PDE10A: variants seen among roughly 807,000 people sequenced by gnomAD.
PDE10A encodes the protein cAMP and cAMP-inhibited cGMP 3',5'-cyclic phosphodiesterase 10A.
Under a neutral mutation model 97.7 loss-of-function variants are expected in PDE10A, and 39 were observed. That is an observed-to-expected ratio of 0.40 (90% CI 0.31 to 0.52). PDE10A has a LOEUF of 0.52. PDE10A is among the 20% of genes least tolerant of loss of function. The pLI is 0.56. For missense variants in PDE10A, 731 were observed against 1,047.8 expected (o/e 0.70, Z 4.17); for synonymous variants, 371 against 376.8 (o/e 0.98, Z 0.18).
chr6:165,902,360 T>A (rs540607842), intron 1 of PDE10A, among the ~76,000 whole-genome samples: 1 of 152,320 alleles, frequency 6.6e-6, no homozygotes, highest in Non-Finnish European at 1.5e-5. Flanking sequence ...GAGCTGTGAG[T>A]GTTTTACTTT....
chr6:165,909,828 G>A (rs79658660), intron 1 of PDE10A, among the ~76,000 whole-genome samples: 7,218 of 151,848 alleles, frequency 0.048, 577 homozygotes, highest in African/African-American at 0.16. Context: ...CCCCTCACTC[G>A]CTTCTCTCCT....
intron 1 of PDE10A, among the ~76,000 whole-genome samples, chr6:165,803,453 T>C (rs1175714426): frequency 2.6e-5 from 4 of 152,164 alleles, no homozygotes; most frequent in Non-Finnish European, 5.9e-5. Flanking sequence ...CACAACTAAA[T>C]ACAGGAGGGC....
chr6:165,561,091 C>T (rs1271467758), intron 1 of PDE10A, among the ~76,000 whole-genome samples: 4 of 151,886 alleles, frequency 2.6e-5, no homozygotes, highest in East Asian at 1.9e-4. Context: ...TGGTGGCGGG[C>T]ACCTGTAGTC....
At chr6:165,581,042 T>A (rs1785589649) in intron 1 of PDE10A, among the ~76,000 whole-genome samples, 1 of 152,212 alleles carries the variant, frequency 6.6e-6, no homozygotes, top group South Asian at 2.1e-4. Context: ...AAATTGGTGA[T>A]AAAAATAAAT....
intron 1 of PDE10A, among the ~76,000 whole-genome samples, chr6:165,593,611 C>T (rs1489347764): frequency 1.3e-5 from 2 of 152,098 alleles, no homozygotes; most frequent in East Asian, 1.9e-4. Flanking sequence ...AAAATCTATA[C>T]CTAATACTGA....
intron 2 of PDE10A, among the ~76,000 whole-genome samples, chr6:165,484,217 G>A (rs9457094): frequency 0.061 from 9,238 of 152,290 alleles, 486 homozygotes; most frequent in East Asian, 0.25. Context: ...TCTTGCCCAA[G>A]AAAAATTTAA....
intron 3 of PDE10A, among the ~76,000 whole-genome samples, chr6:165,460,654 A>G (rs1240394244): frequency 8.5e-5 from 13 of 152,200 alleles, no homozygotes; most frequent in Admixed American, 6.5e-4. Context: ...CCCCTGAAAT[A>G]TATAAAAGTA....
chr6:165,736,879 G>A (rs1792587912), intron 1 of PDE10A, among the ~76,000 whole-genome samples: 1 of 151,824 alleles, frequency 6.6e-6, no homozygotes, highest in South Asian at 2.1e-4. Context: ...GTTAGCTTTT[G>A]AAAAGTTAAG....
chr6:165,678,193 G>GTGTCTC (rs1790867983), intron 1 of PDE10A, among the ~76,000 whole-genome samples: 1 of 112,248 alleles, frequency 8.9e-6, no homozygotes, highest in Non-Finnish European at 1.9e-5. Context: ...GTGTGTCTGT[G>GTGTCTC]TATGTATATG....
intron 2 of PDE10A, among the ~76,000 whole-genome samples, chr6:165,503,781 T>C (rs1453007878): frequency 1.3e-5 from 2 of 152,054 alleles, no homozygotes; most frequent in Non-Finnish European, 2.9e-5. Context: ...TAAGTATCTA[T>C]AAGACCAAGT....
chr6:165,737,643 C>A (rs561999853), intron 1 of PDE10A, among the ~76,000 whole-genome samples: 7 of 152,336 alleles, frequency 4.6e-5, no homozygotes, highest in Admixed American at 3.3e-4. Context: ...AAGCTCTCAA[C>A]AAGGTGGTAT....
intron 1 of PDE10A, among the ~76,000 whole-genome samples, chr6:165,824,526 A>G (rs1167947061): frequency 6.6e-6 from 1 of 152,182 alleles, no homozygotes; most frequent in Non-Finnish European, 1.5e-5. Context: ...ATGCTTATTC[A>G]TCTAATCTAT....
chr6:165,633,013 G>T (rs1286972864), intron 1 of PDE10A, among the ~76,000 whole-genome samples: 1 of 151,038 alleles, frequency 6.6e-6, no homozygotes, highest in Non-Finnish European at 1.5e-5. Flanking sequence ...TATGCTGGAA[G>T]AGATTCCTTC....
rs1342810492 is a variant in PDE10A at position 165,332,326 on chromosome 6, T to C, written c.*699A>G. ...GAGATTTATTGTAACATATACCTCA[T>C]CTCTTCTCAAAAAGACAGGAAGTCT... is the stretch of plus-strand genomic sequence containing the variant. On this transcript the variant is annotated 3_prime_UTR_variant, in exon 22 of 22. Transcript: ENST00000539869. 1 of 152,224 alleles carries C rather than the reference T, an allele frequency of 6.6e-6. No homozygotes were observed. The highest frequency in any genetic ancestry group is 1.9e-4 in the East Asian group (1 of 5,200). The allele number at this position is 152,224 out of a possible 1,614,324, so 9.4% of individuals were successfully genotyped here.
At chr6:165,652,794 G>A (rs759111855) in intron 1 of PDE10A, among the ~76,000 whole-genome samples, 19 of 152,136 alleles carry the variant, frequency 1.2e-4, no homozygotes, top group South Asian at 4.1e-4. Context: ...ATTCAAACAC[G>A]TCAGCCCTTC....
chr6:165,806,655 C>A (rs920748576), intron 1 of PDE10A, among the ~76,000 whole-genome samples: 3 of 151,132 alleles, frequency 2.0e-5, no homozygotes, highest in Non-Finnish European at 4.4e-5. Flanking sequence ...GAGCGCCCCC[C>A]CCCAGGCTCT....
At chr6:165,657,157 T>C (rs924628158) in intron 1 of PDE10A, among the ~76,000 whole-genome samples, 4 of 152,248 alleles carry the variant, frequency 2.6e-5, no homozygotes, top group Non-Finnish European at 4.4e-5. Flanking sequence ...CTCATGGAGC[T>C]TCCTTTCCAG....
chr6:165,546,251 G>A lies in PDE10A; in HGVS notation c.866-2683C>T, dbSNP rs551307159. Among the ~76,000 whole-genome samples the A allele has an allele frequency of 3.3e-5, 5 of 152,162 alleles. No homozygotes were observed. The South Asian group carries it at 1.0e-3, about 32-fold the overall frequency. On this transcript the variant is annotated intron_variant, in intron 1 of 21. Coordinates refer to ENST00000539869, the MANE Select transcript of PDE10A (RefSeq NM_001385079.1). The stretch of plus-strand genomic sequence containing the variant: ...TAGTAAAAAGATCAGTAACTACCAG[G>A]AGCTCAAGGGGAAAGGGCAAATTAT...
At chr6:165,879,026 T>G (rs897069283) in intron 1 of PDE10A, among the ~76,000 whole-genome samples, 1 of 152,196 alleles carries the variant, frequency 6.6e-6, no homozygotes, top group African/African-American at 2.4e-5. Context: ...GTGACTAAGT[T>G]CATAGTGATT....
Sources: allele counts gnomAD v4.1 joint callset (sites outside exome capture counted in the v4.1 genomes callset), GRCh38; gene constraint gnomAD v4.1.1; transcripts MANE v1.5; gene names NCBI Gene and HGNC (gene_info 2026-07-23, HGNC 2026-07-21).